The following DNAJC15 variants were observed in gnomAD, a reference collection of about 807,000 sequenced individuals.
DNAJC15 encodes DnaJ heat shock protein family (Hsp40) member C15, also known as dnaJ homolog subfamily C member 15.
Under a neutral mutation model 22.4 loss-of-function variants are expected in DNAJC15, and 27 were observed. The ratio of observed to expected loss-of-function variants is 1.20; its 90% CI spans 0.89 to 1.66. The LOEUF is 1.66. Among genes scored for constraint, DNAJC15 ranks in the 40% most tolerant of loss-of-function variants. DNAJC15 has a pLI of 0.00. For synonymous variants in DNAJC15, 79 were observed against 63.2 expected (o/e 1.25, Z -1.19); for missense variants, 208 against 187.1 (o/e 1.11, Z -0.65).
chr13:43,030,943 C>A (rs960430837), intron 1 of DNAJC15, among the ~76,000 whole-genome samples: 1 of 152,118 alleles, frequency 6.6e-6, no homozygotes, highest in Non-Finnish European at 1.5e-5. Flanking sequence ...TTTGGGAAAT[C>A]AGAGAAAACT....
At chr13:43,102,982 C>A (rs990164883) in intron 5 of DNAJC15, among the ~76,000 whole-genome samples, 1 of 151,902 alleles carries the variant, frequency 6.6e-6, no homozygotes, top group Non-Finnish European at 1.5e-5. Flanking sequence ...TTTTGATTTT[C>A]CATTTCTTCT....
chr13:43,104,285 A>G (rs1037069564), intron 5 of DNAJC15, among the ~76,000 whole-genome samples: 2 of 152,066 alleles, frequency 1.3e-5, no homozygotes, highest in Non-Finnish European at 2.9e-5. Context: ...AGAGTTTCAT[A>G]TATATCTGGA....
chr13:43,089,467 G>T (rs1236233847), intron 5 of DNAJC15, among the ~76,000 whole-genome samples: 6 of 152,212 alleles, frequency 3.9e-5, no homozygotes, highest in Non-Finnish European at 7.3e-5. Context: ...GAAAACCTCT[G>T]TGAGGAGATG....
chr13:43,067,902 A>G (rs2040591249), intron 2 of DNAJC15, among the ~76,000 whole-genome samples: 2 of 152,174 alleles, frequency 1.3e-5, no homozygotes, highest in Non-Finnish European at 1.5e-5. Context: ...TTAGGGAATC[A>G]GCCTCATTTA....
chr13:43,065,668 T>C lies in DNAJC15; in HGVS notation c.109-18T>C, dbSNP rs775431749. On this transcript the variant is annotated intron_variant, in intron 1 of 5. Transcript: ENST00000379221. ...CAGCATGTTACATCATAAGTAATAT[T>C]CATTTTTTCTTCCATAGGTAAGAAG... The C allele has an allele frequency of 2.5e-6, 4 of 1,606,250 alleles. No individual in the cohort carries two copies. The East Asian group carries it at 6.7e-5, about 27-fold the overall frequency.
intron 5 of DNAJC15, among the ~76,000 whole-genome samples, chr13:43,093,816 T>C (rs1490195294): frequency 6.6e-6 from 1 of 152,196 alleles, no homozygotes; most frequent in African/African-American, 2.4e-5. Flanking sequence ...AAAATATATC[T>C]TTTCCACAAT....
intron 5 of DNAJC15, among the ~76,000 whole-genome samples, chr13:43,103,330 T>A (rs2040780394): frequency 6.6e-6 from 1 of 152,186 alleles, no homozygotes; most frequent in Non-Finnish European, 1.5e-5. Context: ...ACAATGAAAA[T>A]GAAATTATGA....
chr13:43,065,579 TAAAG>T, intron 1 of DNAJC15, 103 bp from the exon 2 acceptor site: 2 of 919,646 alleles, frequency 2.2e-6, no homozygotes, highest in Non-Finnish European at 1.7e-6. Context: ...CAGTAGAGCT[TAAAG>T]AAAGTGTAGT....
chr13:43,098,466 A>G (rs1455134497), intron 5 of DNAJC15, among the ~76,000 whole-genome samples: 4 of 152,128 alleles, frequency 2.6e-5, no homozygotes, highest in African/African-American at 2.4e-5. Flanking sequence ...GACCCTTCCA[A>G]CTCTGGGTTT....
intron 1 of DNAJC15, among the ~76,000 whole-genome samples, chr13:43,058,665 C>G (rs190295539): frequency 6.6e-6 from 1 of 152,180 alleles, no homozygotes; most frequent in Non-Finnish European, 1.5e-5. Flanking sequence ...AAAATTCATG[C>G]TCAATTGAAA....
chr13:43,100,205 C>CTT (rs368386623), intron 5 of DNAJC15, among the ~76,000 whole-genome samples: 23,178 of 110,330 alleles, frequency 0.21, 3,255 homozygotes, highest in Non-Finnish European at 0.29. Context: ...TTATTGAAGT[C>CTT]TTTTTTTTTT....
At chr13:43,100,685 T>C (rs2040764222) in intron 5 of DNAJC15, among the ~76,000 whole-genome samples, 1 of 152,222 alleles carries the variant, frequency 6.6e-6, no homozygotes, top group Non-Finnish European at 1.5e-5. Context: ...TTGTGGCCTA[T>C]TATATGCTCT....
At position 43,065,731 on chromosome 13, in the gene DNAJC15, T is replaced by A; in HGVS notation, c.154T>A (p.Phe52Ile). ...AVGLGVAALA[F>I]AGRYAFRIWK... ...AGGACTGGGTGTTGCAGCTCTTGCATTTGCAGGTAAGATAAAGAATACATA... is the reference window on the plus strand; with the variant it reads ...AGGACTGGGTGTTGCAGCTCTTGCAATTGCAGGTAAGATAAAGAATACATA... Residue 52 changes from phenylalanine (F) to isoleucine (I), a missense_variant, in exon 2 of 6, where the codon TTT becomes ATT. Coordinates refer to ENST00000379221, the MANE Select transcript of DNAJC15 (RefSeq NM_013238.3). The A allele has an allele frequency of 1.2e-6, 2 of 1,613,236 alleles. No homozygotes were observed. Among genetic ancestry groups the A allele is most frequent in the South Asian group, 2.2e-5 (2 of 91,044 alleles).
rs560400871 is a variant in DNAJC15 at position 43,072,463 on chromosome 13, T to G, written c.234+3460T>G. On this transcript the variant is annotated intron_variant, in intron 3 of 5. Transcript: ENST00000379221. ...TTTTATCTCTTATTTTCCATCTCCT[T>G]ATCTTTCTTTGCTCTTCATTCTACA... is the stretch of plus-strand genomic sequence containing the variant. Among the ~76,000 whole-genome samples, 27 of 152,338 alleles carry G rather than the reference T, an allele frequency of 1.8e-4. No individual in the cohort carries two copies. In the East Asian group the frequency reaches 4.8e-3, roughly 27 times the overall value.
intron 1 of DNAJC15, among the ~76,000 whole-genome samples, chr13:43,036,845 G>A (rs2040431181): frequency 6.6e-6 from 1 of 152,264 alleles, no homozygotes; most frequent in Non-Finnish European, 1.5e-5. Context: ...ATGCACACCC[G>A]GCTGGGTTGA....
At chr13:43,097,335 A>G (rs2040744544) in intron 5 of DNAJC15, among the ~76,000 whole-genome samples, 1 of 152,218 alleles carries the variant, frequency 6.6e-6, no homozygotes, top group Non-Finnish European at 1.5e-5. Flanking sequence ...TGTTTCTGGA[A>G]TTATAAGCAG....
chr13:43,088,205 TATA>T, intron 5 of DNAJC15, among the ~76,000 whole-genome samples: 1 of 152,342 alleles, frequency 6.6e-6, no homozygotes, highest in South Asian at 2.1e-4. Context: ...TTAGAAAGCT[TATA>T]ATATCGCCAC....
chr13:43,100,996 T>C (rs1480588257), intron 5 of DNAJC15, among the ~76,000 whole-genome samples: 3 of 152,224 alleles, frequency 2.0e-5, no homozygotes, highest in Admixed American at 2.0e-4. Context: ...CGTTTTTCAT[T>C]ATGGAATGCC....
Position 43,023,733 on chromosome 13 carries a change from T to C in DNAJC15, c.107T>C (p.Leu36Pro). 1 of 1,605,712 alleles carries C rather than the reference T, an allele frequency of 6.2e-7. No homozygotes were observed. Among genetic ancestry groups the C allele is most frequent in the South Asian group, 1.1e-5 (1 of 89,896 alleles). Residue 36 changes from leucine to proline, a missense_variant and splice_region_variant, in exon 1 of 6, where the codon CTG becomes CCG. By Grantham distance (98) the Leu-to-Pro change is moderately conservative (BLOSUM62 -3). Coordinates refer to ENST00000379221, the MANE Select transcript of DNAJC15 (RefSeq NM_013238.3). ...RPDADVDQQR[L>P]VRSLIAVGLG... ...GACGCCGACGTCGACCAGCAGAGACTGGTGAGTCCTGCCAGCGGCCCCCAC... is the reference window on the plus strand; with the variant it reads ...GACGCCGACGTCGACCAGCAGAGACCGGTGAGTCCTGCCAGCGGCCCCCAC...
Sources: allele counts gnomAD v4.1 joint callset (sites outside exome capture counted in the v4.1 genomes callset), GRCh38; gene constraint gnomAD v4.1.1; transcripts MANE v1.5; gene names NCBI Gene and HGNC (gene_info 2026-07-23, HGNC 2026-07-21).